The following COMMD7 variants were observed in gnomAD, a reference collection of about 807,000 sequenced individuals.
The protein encoded by COMMD7 is COMM domain containing 7, also known as COMM domain-containing protein 7.
A neutral mutation model predicts 34.8 loss-of-function variants in COMMD7; 28 were observed. The observed-to-expected ratio is 0.80, with a 90% CI of 0.60 to 1.10. The LOEUF (loss-of-function observed/expected upper bound fraction) is 1.10, where lower values mean the gene tolerates loss of function less well. COMMD7 is among the 50% of genes least tolerant of loss of function. The pLI is 0.00. For synonymous variants in COMMD7, 80 were observed against 86.4 expected (o/e 0.93, Z 0.41); for missense variants, 211 against 241.6 (o/e 0.87, Z 0.84).
intron 3 of COMMD7, among the ~76,000 whole-genome samples, chr20:32,718,320 C>T (rs781339433): frequency 1.3e-5 from 2 of 151,700 alleles, no homozygotes; most frequent in African/African-American, 4.8e-5. Context: ...AGGAGAATGG[C>T]GTGAACCCGG....
chr20:32,726,463 A>T (rs1242669209), intron 3 of COMMD7, among the ~76,000 whole-genome samples: 5 of 152,166 alleles, frequency 3.3e-5, no homozygotes, highest in Non-Finnish European at 7.4e-5. Context: ...ACACTTTGGG[A>T]GACTGAGGTG....
At chr20:32,718,232 G>A (rs548230356) in intron 3 of COMMD7, among the ~76,000 whole-genome samples, 11 of 151,570 alleles carry the variant, frequency 7.3e-5, no homozygotes, top group South Asian at 2.1e-4. Flanking sequence ...GTGAAACCCC[G>A]TCTCTACTAA....
intron 5 of COMMD7, among the ~76,000 whole-genome samples, chr20:32,705,585 G>A (rs1038297865): frequency 1.1e-4 from 17 of 151,928 alleles, no homozygotes; most frequent in African/African-American, 3.9e-4. Flanking sequence ...ATGTTAGGCA[G>A]GATGATCTCG....
At chr20:32,740,813 CAAA>C (rs56039232) in intron 1 of COMMD7, among the ~76,000 whole-genome samples, 10 of 128,286 alleles carry the variant, frequency 7.8e-5, no homozygotes, top group African/African-American at 5.8e-5. Flanking sequence ...GACCCTGCCT[CAAA>C]AAAAAAAAAA....
chr20:32,724,268 T>G (rs1261868023), intron 3 of COMMD7, among the ~76,000 whole-genome samples: 1 of 12,068 alleles, frequency 8.3e-5, no homozygotes, highest in African/African-American at 3.0e-4. Flanking sequence ...GGGAGGGAGG[T>G]GGGGGGTCAG....
intron 5 of COMMD7, 51 bp downstream of exon 5, chr20:32,706,532 A>C (rs779051164): frequency 6.9e-7 from 1 of 1,457,426 alleles, no homozygotes; most frequent in South Asian, 1.2e-5. Context: ...AAAAAGAAAG[A>C]AAAGCAAGGG....
chr20:32,737,022 A>G (rs1986161782), intron 1 of COMMD7, among the ~76,000 whole-genome samples: 1 of 151,924 alleles, frequency 6.6e-6, no homozygotes, highest in Admixed American at 6.6e-5. Flanking sequence ...CTCTACTAAA[A>G]ATACAAAAAA....
chr20:32,709,817 AGGG>A (rs1398513196), intron 3 of COMMD7, among the ~76,000 whole-genome samples: 2 of 151,828 alleles, frequency 1.3e-5, no homozygotes, highest in African/African-American at 4.8e-5. Flanking sequence ...CGCTTCATTC[AGGG>A]TTCTGCCTGA....
intron 3 of COMMD7, among the ~76,000 whole-genome samples, chr20:32,721,297 G>T (rs1229205923): frequency 6.6e-6 from 1 of 151,986 alleles, no homozygotes; most frequent in African/African-American, 2.4e-5. Flanking sequence ...AACATAGGAA[G>T]ATCCTGACTC....
intron 1 of COMMD7, among the ~76,000 whole-genome samples, chr20:32,733,305 G>A (rs544086306): frequency 2.0e-5 from 3 of 151,444 alleles, no homozygotes; most frequent in East Asian, 2.0e-4. Flanking sequence ...AACAGGCCAC[G>A]CGCGGTGGCT....
chr20:32,703,704 G>C, intron 8 of COMMD7: 1 of 1,439,732 alleles, frequency 6.9e-7, no homozygotes, highest in East Asian at 2.5e-5. Flanking sequence ...AGAGATGAAA[G>C]GGTATCATTC....
intron 3 of COMMD7, among the ~76,000 whole-genome samples, chr20:32,711,867 T>C (rs1435138813): frequency 6.6e-6 from 1 of 151,246 alleles, no homozygotes; most frequent in African/African-American, 2.4e-5. Context: ...TTAGGAAAAA[T>C]AGTTATTCCA....
At chr20:32,707,102 T>A (rs1335586432) in intron 3 of COMMD7, among the ~76,000 whole-genome samples, 1 of 132,290 alleles carries the variant, frequency 7.6e-6, no homozygotes, top group East Asian at 2.2e-4. Context: ...TGAAACCCTG[T>A]CTCTATTAAA....
At chr20:32,729,608 C>G (rs1012207897) in intron 1 of COMMD7, among the ~76,000 whole-genome samples, 7 of 115,326 alleles carry the variant, frequency 6.1e-5, no homozygotes, top group African/African-American at 2.2e-4. Context: ...CAGCAAGACC[C>G]CACCTCTTAA....
At chr20:32,708,452 A>G (rs1231680908) in intron 3 of COMMD7, among the ~76,000 whole-genome samples, 1 of 152,138 alleles carries the variant, frequency 6.6e-6, no homozygotes, top group Non-Finnish European at 1.5e-5. Flanking sequence ...TATCTCCAAA[A>G]TCAGACTGAG....
At chr20:32,742,724 C>T (rs1986510343) in intron 1 of COMMD7, among the ~76,000 whole-genome samples, 1 of 152,096 alleles carries the variant, frequency 6.6e-6, no homozygotes, top group African/African-American at 2.4e-5. Flanking sequence ...AGATCGAGCC[C>T]CTCAGGCCCA....
chr20:32,712,476 C>G (rs1038124574), intron 3 of COMMD7, among the ~76,000 whole-genome samples: 4 of 150,984 alleles, frequency 2.6e-5, no homozygotes, highest in East Asian at 2.0e-4. Flanking sequence ...CCACTGCACT[C>G]TAGCCTGGTG....
At chr20:32,729,013 G>C (rs890110616) in intron 1 of COMMD7, among the ~76,000 whole-genome samples, 22 of 152,172 alleles carry the variant, frequency 1.4e-4, no homozygotes, top group Non-Finnish European at 3.1e-4. Context: ...TGTGTTGTTA[G>C]GAACTGAATG....
At chr20:32,719,779 A>T (rs574066845) in intron 3 of COMMD7, among the ~76,000 whole-genome samples, 3 of 152,170 alleles carry the variant, frequency 2.0e-5, no homozygotes, top group Non-Finnish European at 4.4e-5. Context: ...ATAGGACTGA[A>T]CACTAGCAGC....
Sources: allele counts gnomAD v4.1 joint callset (sites outside exome capture counted in the v4.1 genomes callset), GRCh38; gene constraint gnomAD v4.1.1; transcripts MANE v1.5; gene names NCBI Gene and HGNC (gene_info 2026-07-23, HGNC 2026-07-21).